Variants in POLQ observed in about 807,000 individuals in gnomAD.
POLQ encodes the protein epididymis secretory sperm binding protein.
POLQ carries 233 observed loss-of-function variants against 259.2 expected under a neutral mutation model. The observed-to-expected ratio is 0.90, with a 90% CI of 0.81 to 1.00. The LOEUF is 1.00. POLQ is among the 50% of genes least tolerant of loss of function. The pLI, the probability that POLQ is intolerant of heterozygous loss-of-function variation, is 0.00. For synonymous variants in POLQ, 1,025 were observed against 1,048.8 expected, an observed-to-expected ratio of 0.98 and a Z score of 0.44; for missense variants, 2,871 against 3,051.6, an observed-to-expected ratio of 0.94 and a Z score of 1.39.
chr3:121,481,668 C>G lies in POLQ; in HGVS notation c.6115G>C (p.Glu2039Gln). The change falls in exon 19 of 30, where the codon GAG becomes CAG. Residue 2039 changes from glutamate to glutamine, a missense_variant. Physicochemically the swap from Glu to Gln is conservative, Grantham distance 29. Coordinates refer to ENST00000264233, the MANE Select transcript of POLQ (RefSeq NM_199420.4). The stretch of plus-strand genomic sequence containing the variant: ...GATGCTCTGTATCGCCCAGAATGCT[C>G]ACTGCCAGCATTTAGCCCCAGGCTT... ...IQSLGLNAGSEHSGRYRASVE... is the reference protein window; with the variant it reads ...IQSLGLNAGSQHSGRYRASVE... 6.2e-7 allele frequency: 1 copy of G among 1,614,042 alleles called. No homozygotes were observed. The highest frequency in any genetic ancestry group is 8.5e-7 in the Non-Finnish European group (1 of 1,179,958).
intron 27 of POLQ, among the ~76,000 whole-genome samples, chr3:121,436,639 C>A (rs192520874): frequency 3.2e-4 from 48 of 152,178 alleles, no homozygotes; most frequent in African/African-American, 1.1e-3. Context: ...TAATCTTAAT[C>A]CTAAATAAGT....
At chr3:121,534,137 A>G (rs966195204) in intron 5 of POLQ, among the ~76,000 whole-genome samples, 3 of 152,036 alleles carry the variant, frequency 2.0e-5, no homozygotes, top group Admixed American at 2.0e-4. Context: ...CAGCCTCCCA[A>G]AGTGTTGGAA....
In POLQ at chr3:121,476,673, C is replaced by T; in HGVS notation, c.6272G>A (p.Gly2091Glu). The T allele has an allele frequency of 6.2e-7, 1 of 1,613,280 alleles. No homozygotes were observed. Among genetic ancestry groups the T allele is most frequent in the Non-Finnish European group, 8.5e-7 (1 of 1,179,350 alleles). ...ACATTCTGCAGTACTAAAGCCAATT[C>T]CATTTAGTTCTAGCAAGGCCAAGCA... is the stretch of plus-strand genomic sequence containing the variant. ...QYCLALLELN[G>E]IGFSTAECES... is the part of the protein sequence containing the mutation. Residue 2091 changes from glycine to glutamate, a missense_variant, in exon 20 of 30, where the codon GGA becomes GAA. By Grantham distance (98) the Gly-to-Glu change is moderately conservative (BLOSUM62 -2). Transcript: ENST00000264233.
intron 15 of POLQ, among the ~76,000 whole-genome samples, chr3:121,491,722 TCTCA>T (rs1415817846): frequency 6.6e-6 from 1 of 152,092 alleles, no homozygotes; most frequent in African/African-American, 2.4e-5. Context: ...TGCCCAAATC[TCTCA>T]CTGACCTCTA....
At chr3:121,532,474 A>G (rs571864482) in intron 6 of POLQ, among the ~76,000 whole-genome samples, 2 of 152,134 alleles carry the variant, frequency 1.3e-5, no homozygotes, top group African/African-American at 2.4e-5. Flanking sequence ...TAAAGGTACA[A>G]CTACATTTCC....
chr3:121,501,933 T>C (rs1365817163), intron 12 of POLQ, among the ~76,000 whole-genome samples: 1 of 144,684 alleles, frequency 6.9e-6, no homozygotes, highest in East Asian at 2.0e-4. Flanking sequence ...GAGGTTGCAG[T>C]GAGCAGAGAC....
In POLQ at chr3:121,447,497, C is replaced by T. The variant is rs555606051; in HGVS notation, c.7264+1818G>A. On this transcript the variant is annotated intron_variant, in intron 26 of 29. Coordinates refer to ENST00000264233, the MANE Select transcript of POLQ (RefSeq NM_199420.4). ...ACTTTTTTGTTGTTTATATTTATAT[C>T]GTATTGTACTGCCAGTGTCTTGAAA... Among the ~76,000 whole-genome samples, 13 of 152,068 alleles carry T rather than the reference C, an allele frequency of 8.5e-5. No individual in the cohort carries two copies. In the East Asian group the frequency reaches 1.4e-3, roughly 16 times the overall value.
intron 5 of POLQ, 41 bp downstream of exon 5, chr3:121,537,059 T>C (rs766612853): frequency 4.3e-6 from 4 of 933,504 alleles, no homozygotes; most frequent in Admixed American, 1.7e-5. Flanking sequence ...TTCCTCAACA[T>C]TGTTTGAAAT....
At chr3:121,511,586 T>C (rs370916186) in intron 10 of POLQ, among the ~76,000 whole-genome samples, 2 of 152,040 alleles carry the variant, frequency 1.3e-5, no homozygotes, top group African/African-American at 4.8e-5. Flanking sequence ...AAGACCAGCC[T>C]GGCCAAAATG....
At chr3:121,527,347 C>A (rs2048380750) in intron 7 of POLQ, among the ~76,000 whole-genome samples, 1 of 152,180 alleles carries the variant, frequency 6.6e-6, no homozygotes, top group Admixed American at 6.5e-5. Flanking sequence ...CAGGTGTGAA[C>A]CACCATGCCC....
At chr3:121,482,116 T>C (rs1576411990) in intron 18 of POLQ, among the ~76,000 whole-genome samples, 1 of 152,140 alleles carries the variant, frequency 6.6e-6, no homozygotes, top group Non-Finnish European at 1.5e-5. Flanking sequence ...ACTCAAACCA[T>C]GTGTCTGAAA....
chr3:121,528,301 GGA>G (rs71133546), intron 7 of POLQ, among the ~76,000 whole-genome samples: 94,822 of 150,446 alleles, frequency 0.63, 30,263 homozygotes, highest in East Asian at 0.89. Context: ...TTTGTATTTA[GGA>G]GAGATGGGGT....
At chr3:121,479,144 A>G (rs998189148) in intron 19 of POLQ, among the ~76,000 whole-genome samples, 16 of 152,152 alleles carry the variant, frequency 1.1e-4, no homozygotes, top group Non-Finnish European at 1.5e-5. Context: ...AATATTTGGG[A>G]ATTAAAAACC....
Position 121,488,184 on chromosome 3 carries a change from G to T in POLQ, c.4747C>A (p.His1583Asn). 1 of 1,613,448 alleles carries T rather than the reference G, an allele frequency of 6.2e-7. No homozygotes were observed. The highest frequency in any genetic ancestry group is 2.2e-5 in the East Asian group (1 of 44,862). Residue 1583 changes from histidine (H) to asparagine (N), a missense_variant, in exon 16 of 30, where the codon CAT (histidine) becomes AAT (asparagine). By Grantham distance (68) the His-to-Asn change is moderately conservative. This residue lies in a region of POLQ where 2,080 missense variants were observed against 2,126.0 expected (regional missense o/e 0.98). Coordinates refer to ENST00000264233, the MANE Select transcript of POLQ (RefSeq NM_199420.4). ...VDIFPVQEKNHTVVSPRALEL... is the reference protein window; with the variant it reads ...VDIFPVQEKNNTVVSPRALEL... ...AATGCTCTAGGAGATACTACAGTAT[G>T]ATTCTTCTCTTGGACAGGAAATATA...
rs761859736 is a variant in POLQ at position 121,485,126 on chromosome 3, A to C, written c.5688T>G (p.Asp1896Glu). The C allele has an allele frequency of 7.5e-5, 121 of 1,610,502 alleles. No homozygotes were observed. In the South Asian group the frequency reaches 1.3e-3, roughly 17 times the overall value. Residue 1896 changes from aspartate to glutamate, a missense_variant, in exon 17 of 30, where the codon GAT (aspartate) becomes GAG (glutamate). Around this residue, in one of 3 missense-constraint regions of POLQ, gnomAD observed 2,080 missense variants for 2,126.0 expected, o/e 0.98. Coordinates refer to ENST00000264233, the MANE Select transcript of POLQ (RefSeq NM_199420.4). ...CTGCCAGTCCAACCACCAAGGTGTC[A>C]TCACAACCTTTAATGGGAAATCCAT... ...RDDGFPIKGC[D>E]DTLVVGLAVC...
chr3:121,531,751 A>T (rs779383842), intron 6 of POLQ, among the ~76,000 whole-genome samples: 5 of 152,236 alleles, frequency 3.3e-5, no homozygotes, highest in African/African-American at 7.2e-5. Context: ...ATGGTAAAAG[A>T]AGAAAAAAAT....
intron 22 of POLQ, among the ~76,000 whole-genome samples, chr3:121,471,713 C>T (rs1324650067): frequency 6.6e-6 from 1 of 151,940 alleles, no homozygotes; most frequent in African/African-American, 2.4e-5. Context: ...GAGCTGAGAT[C>T]GTGCCACCGC....
intron 27 of POLQ, among the ~76,000 whole-genome samples, chr3:121,437,872 T>C (rs867671680): frequency 3.9e-5 from 6 of 152,162 alleles, no homozygotes; most frequent in Non-Finnish European, 7.3e-5. Flanking sequence ...CCATGTAATT[T>C]TGATAGAAGC....
At chr3:121,432,456 C>G (rs1310773052) in intron 29 of POLQ, 39 bp from the exon 30 acceptor site, 1 of 1,587,290 alleles carries the variant, frequency 6.3e-7, no homozygotes, top group African/African-American at 1.4e-5. Context: ...ACTGCCCAGT[C>G]AAAGAATGTT....
Sources: allele counts gnomAD v4.1 joint callset (sites outside exome capture counted in the v4.1 genomes callset), GRCh38; gene constraint gnomAD v4.1.1; regional missense constraint gnomAD v4.1.1; transcripts MANE v1.5; gene names NCBI Gene and HGNC (gene_info 2026-07-23, HGNC 2026-07-21).